The following HCN1 variants were observed in gnomAD, a reference collection of about 807,000 sequenced individuals.
HCN1 encodes potassium/sodium hyperpolarization-activated cyclic nucleotide-gated channel 1.
In HCN1, 13 loss-of-function variants were observed where a neutral mutation model predicts 78.9. That is an observed-to-expected ratio of 0.16 (90% CI 0.11 to 0.26). The LOEUF is 0.26. HCN1 is among the 10% of genes least tolerant of loss of function. HCN1 has a pLI of 1.00. For missense variants in HCN1, 810 were observed against 1,154.3 expected (o/e 0.70, Z 4.32); for synonymous variants, 552 against 455.5 (o/e 1.21, Z -2.70).
rs528495085 is a variant in HCN1, at chr5:45,580,392, C to T, written c.849+64793G>A. Among the ~76,000 whole-genome samples, 8 of 152,012 alleles carry T rather than the reference C, an allele frequency of 5.3e-5. No homozygotes were observed. In the South Asian group the frequency reaches 1.2e-3, roughly 24 times the overall value. The stretch of plus-strand genomic sequence containing the variant: ...GGTCACAAGCCAAGGAATGTGGTGG[C>T]CTCTAGTACCTGGAAAAGGCAATGA... On this transcript the variant is annotated intron_variant, in intron 2 of 7. Coordinates refer to ENST00000303230, the MANE Select transcript of HCN1 (RefSeq NM_021072.4).
intron 2 of HCN1, among the ~76,000 whole-genome samples, chr5:45,508,028 A>G (rs1034865069): frequency 2.6e-5 from 4 of 152,138 alleles, no homozygotes; most frequent in African/African-American, 9.7e-5. Flanking sequence ...ATATATACAC[A>G]AATATTGTCT....
intron 1 of HCN1, among the ~76,000 whole-genome samples, chr5:45,658,543 C>G (rs1021511208): frequency 1.3e-5 from 2 of 152,076 alleles, no homozygotes; most frequent in East Asian, 1.9e-4. Flanking sequence ...TCTGAGGTAA[C>G]GGGTTCATCT....
At chr5:45,608,357 A>ATGTGTGTGTG (rs397970171) in intron 2 of HCN1, among the ~76,000 whole-genome samples, 15,610 of 140,172 alleles carry the variant, frequency 0.11, 815 homozygotes, top group East Asian at 0.24. Flanking sequence ...GGATGGGTGT[A>ATGTGTGTGTG]TGTGTGTGTG....
chr5:45,301,875 A>C (rs898713417), intron 6 of HCN1, among the ~76,000 whole-genome samples: 1 of 152,068 alleles, frequency 6.6e-6, no homozygotes, highest in African/African-American at 2.4e-5. Flanking sequence ...GATATTGTAA[A>C]TGCAATTAAG....
At position 45,346,581 on chromosome 5, in the gene HCN1, G is replaced by A. The variant is rs188744396; in HGVS notation, c.1377+6519C>T. Among the ~76,000 whole-genome samples the A allele has an allele frequency of 3.3e-3, 502 of 152,270 alleles. 3 individuals carry two copies. The highest frequency in any genetic ancestry group is 0.012 in the East Asian group (61 of 5,156). ...CGAGGCACTACCTCACTCAGGAAGC[G>A]CAAGGGGTCAGGGAGTTCCCTTTCC... On this transcript the variant is annotated intron_variant, in intron 5 of 7. Transcript: ENST00000303230.
chr5:45,484,373 G>C (rs1385789146), intron 2 of HCN1, among the ~76,000 whole-genome samples: 2 of 152,098 alleles, frequency 1.3e-5, no homozygotes, highest in African/African-American at 4.8e-5. Context: ...GGTGGAGCTT[G>C]CAGTAAGCCA....
intron 5 of HCN1, among the ~76,000 whole-genome samples, chr5:45,333,081 G>A (rs996676643): frequency 6.6e-6 from 1 of 151,684 alleles, no homozygotes; most frequent in South Asian, 2.1e-4. Flanking sequence ...TTCCATAGTG[G>A]TCGTACTAAT....
At chr5:45,374,685 C>G (rs912849401) in intron 4 of HCN1, among the ~76,000 whole-genome samples, 1 of 149,492 alleles carries the variant, frequency 6.7e-6, no homozygotes, top group Non-Finnish European at 1.5e-5. Context: ...CCGGCAGAGA[C>G]AACAAAAAAA....
intron 5 of HCN1, among the ~76,000 whole-genome samples, chr5:45,344,868 G>C (rs1227041611): frequency 2.0e-5 from 3 of 152,146 alleles, no homozygotes; most frequent in Non-Finnish European, 2.9e-5. Context: ...CTGGGGTCTG[G>C]AGGATGGTGG....
chr5:45,612,314 T>A (rs1262712061), intron 2 of HCN1, among the ~76,000 whole-genome samples: 1 of 152,214 alleles, frequency 6.6e-6, no homozygotes, highest in Non-Finnish European at 1.5e-5. Flanking sequence ...CATTCATTTA[T>A]CTTTCAACCT....
intron 5 of HCN1, among the ~76,000 whole-genome samples, chr5:45,311,480 ATATTT>A (rs1190524032): frequency 2.0e-5 from 3 of 152,190 alleles, no homozygotes; most frequent in Non-Finnish European, 2.9e-5. Flanking sequence ...ATTTTTGCTA[ATATTT>A]TATTTTGTTA....
At chr5:45,323,781 T>C (rs2111940394) in intron 5 of HCN1, among the ~76,000 whole-genome samples, 1 of 152,006 alleles carries the variant, frequency 6.6e-6, no homozygotes, top group East Asian at 1.9e-4. Context: ...GTTCTCATTG[T>C]TCAGTTCCTA....
chr5:45,277,098 T>C (rs911260352), intron 6 of HCN1, among the ~76,000 whole-genome samples: 2 of 152,116 alleles, frequency 1.3e-5, no homozygotes, highest in African/African-American at 2.4e-5. Context: ...AAACTTCGTG[T>C]GCAAAATATT....
At chr5:45,439,504 G>T (rs988431271) in intron 3 of HCN1, among the ~76,000 whole-genome samples, 1 of 151,956 alleles carries the variant, frequency 6.6e-6, no homozygotes, top group Non-Finnish European at 1.5e-5. Context: ...ATGAATGATG[G>T]GTTAAAACGG....
chr5:45,320,974 C>T (rs2111935549), intron 5 of HCN1, among the ~76,000 whole-genome samples: 1 of 151,852 alleles, frequency 6.6e-6, no homozygotes, highest in Admixed American at 6.6e-5. Flanking sequence ...GACACTAAAC[C>T]AAGGAACTGC....
At chr5:45,658,410 C>T (rs1176295564) in intron 1 of HCN1, among the ~76,000 whole-genome samples, 1 of 152,168 alleles carries the variant, frequency 6.6e-6, no homozygotes, top group Non-Finnish European at 1.5e-5. Context: ...AACTAAAGAG[C>T]TTCTGCATAG....
intron 6 of HCN1, among the ~76,000 whole-genome samples, chr5:45,294,895 T>A (rs1356274194): frequency 1.3e-5 from 2 of 152,078 alleles, no homozygotes; most frequent in Non-Finnish European, 2.9e-5. Context: ...AGAAACAAAC[T>A]GAGTTTGAAA....
intron 2 of HCN1, among the ~76,000 whole-genome samples, chr5:45,496,344 C>T (rs1004452484): frequency 8.6e-5 from 13 of 151,392 alleles, no homozygotes; most frequent in East Asian, 1.9e-4. Context: ...GTGTATGTGT[C>T]GAGGAATGTA....
At chr5:45,666,603 T>C (rs1299660400) in intron 1 of HCN1, among the ~76,000 whole-genome samples, 1 of 152,058 alleles carries the variant, frequency 6.6e-6, no homozygotes, top group Non-Finnish European at 1.5e-5. Context: ...TATTTTGTAT[T>C]TTTGTATGTA....
Sources: allele counts gnomAD v4.1 joint callset (sites outside exome capture counted in the v4.1 genomes callset), GRCh38; gene constraint gnomAD v4.1.1; transcripts MANE v1.5; gene names NCBI Gene and HGNC (gene_info 2026-07-23, HGNC 2026-07-21).